Variants in GRIP1 observed in about 807,000 individuals in gnomAD.
GRIP1 encodes glutamate receptor-interacting protein 1.
A neutral mutation model predicts 129.9 loss-of-function variants in GRIP1; 45 were observed. The observed-to-expected ratio is 0.35, with a 90% confidence interval of 0.27 to 0.44. The LOEUF is 0.44. Among genes scored for constraint, GRIP1 ranks in the 20% least tolerant of loss-of-function variants. The pLI, the probability that GRIP1 is intolerant of heterozygous loss-of-function variation, is 1.00. For missense variants in GRIP1, 1,196 were observed against 1,396.8 expected, an observed-to-expected ratio of 0.86 and a Z score of 2.29; for synonymous variants, 530 against 520.8, an observed-to-expected ratio of 1.02 and a Z score of -0.24.
At chr12:66,634,356 T>C (rs557340284) in intron 1 of GRIP1, among the ~76,000 whole-genome samples, 1 of 152,338 alleles carries the variant, frequency 6.6e-6, no homozygotes, top group African/African-American at 2.4e-5. Flanking sequence ...TAGTATTACT[T>C]GGCAATTTTA....
chr12:67,021,802 C>T (rs532394842), intron 1 of GRIP1, among the ~76,000 whole-genome samples: 1 of 152,286 alleles, frequency 6.6e-6, no homozygotes, highest in South Asian at 2.1e-4. Context: ...TCCCTATCCC[C>T]CCATTCCCTT....
At chr12:66,472,443 T>G (rs558731563) in intron 7 of GRIP1, among the ~76,000 whole-genome samples, 1 of 152,328 alleles carries the variant, frequency 6.6e-6, no homozygotes, top group East Asian at 1.9e-4. Context: ...TTTAACATAC[T>G]GTTTGCAACT....
chr12:66,694,294 T>C (rs1020676192), intron 1 of GRIP1, among the ~76,000 whole-genome samples: 20 of 152,180 alleles, frequency 1.3e-4, no homozygotes, highest in South Asian at 4.1e-4. Context: ...AGAGTGGCCA[T>C]TATGAGCTTT....
upstream of GRIP1, chr12:66,679,168 T>C: frequency 7.3e-7 from 1 of 1,377,526 alleles, no homozygotes; most frequent in Non-Finnish European, 9.4e-7. Context: ...AGTAATGCCG[T>C]TTCGATAGCA....
At chr12:66,737,073 ATCTGGGTG>A (rs1257144732) in intron 1 of GRIP1, among the ~76,000 whole-genome samples, 1 of 152,158 alleles carries the variant, frequency 6.6e-6, no homozygotes, top group East Asian at 1.9e-4. Context: ...TCATGTGTGC[ATCTGGGTG>A]GGTTGAATAA....
intron 1 of GRIP1, among the ~76,000 whole-genome samples, chr12:66,655,275 A>G (rs945118856): frequency 6.6e-6 from 1 of 152,232 alleles, no homozygotes; most frequent in Non-Finnish European, 1.5e-5. Context: ...GTGCTTTAAC[A>G]ATTCATATAA....
At chr12:66,646,376 C>T (rs1198253850) in intron 1 of GRIP1, among the ~76,000 whole-genome samples, 1 of 152,090 alleles carries the variant, frequency 6.6e-6, no homozygotes, top group Non-Finnish European at 1.5e-5. Context: ...GTAATCCTAG[C>T]GACTGGAGAG....
intron 1 of GRIP1, among the ~76,000 whole-genome samples, chr12:66,981,237 C>T (rs1995505): frequency 0.41 from 62,075 of 151,992 alleles, 13,678 homozygotes; most frequent in Non-Finnish European, 0.48. Flanking sequence ...ATTCCTCTCT[C>T]GAATTCTCCT....
chr12:66,635,271 T>C (rs2031247822), intron 1 of GRIP1, among the ~76,000 whole-genome samples: 1 of 151,316 alleles, frequency 6.6e-6, no homozygotes, highest in Non-Finnish European at 1.5e-5. Context: ...AAATAAAAAT[T>C]AGCTGGGCGT....
chr12:66,945,953 T>C (rs1413582308), intron 1 of GRIP1, among the ~76,000 whole-genome samples: 1 of 152,274 alleles, frequency 6.6e-6, no homozygotes, highest in Middle Eastern at 3.4e-3. Context: ...AGCTATTTTT[T>C]TCATGAACCT....
At chr12:66,440,398 A>G (rs1248152893) in intron 13 of GRIP1, among the ~76,000 whole-genome samples, 2 of 152,168 alleles carry the variant, frequency 1.3e-5, no homozygotes, top group African/African-American at 4.8e-5. Context: ...AGCAAACACC[A>G]GGTCTTATTC....
At chr12:66,710,768 A>G (rs1565981173) in intron 1 of GRIP1, among the ~76,000 whole-genome samples, 1 of 151,936 alleles carries the variant, frequency 6.6e-6, no homozygotes, top group Non-Finnish European at 1.5e-5. Flanking sequence ...TATTCATGCA[A>G]TTCTTTAAAA....
chr12:66,911,425 T>C (rs996027550), intron 1 of GRIP1, among the ~76,000 whole-genome samples: 3 of 152,198 alleles, frequency 2.0e-5, no homozygotes, highest in Non-Finnish European at 4.4e-5. Flanking sequence ...CCTTTTAAGA[T>C]TGGAGTTCAG....
chr12:67,038,051 T>C (rs997680553), intron 1 of GRIP1, among the ~76,000 whole-genome samples: 2 of 152,230 alleles, frequency 1.3e-5, no homozygotes, highest in Non-Finnish European at 1.5e-5. Context: ...ATCTATATGA[T>C]CTACACTGGC....
chr12:66,713,715 C>T (rs1258775086), intron 1 of GRIP1, among the ~76,000 whole-genome samples: 1 of 152,002 alleles, frequency 6.6e-6, no homozygotes, highest in Non-Finnish European at 1.5e-5. Flanking sequence ...CCTTCTTTCT[C>T]AGACTGTTTA....
chr12:66,795,735 C>A (rs117077185), intron 1 of GRIP1, among the ~76,000 whole-genome samples: 2 of 152,074 alleles, frequency 1.3e-5, no homozygotes, highest in South Asian at 4.1e-4. Flanking sequence ...GATGGTGATG[C>A]TGTGGGCTGT....
chr12:66,925,678 C>G (rs2041284946), intron 1 of GRIP1, among the ~76,000 whole-genome samples: 2 of 152,102 alleles, frequency 1.3e-5, no homozygotes, highest in African/African-American at 2.4e-5. Flanking sequence ...GAGTTTCACT[C>G]TTGTTTCCCA....
At chr12:66,689,224 T>G (rs377183619) in intron 1 of GRIP1, among the ~76,000 whole-genome samples, 1 of 152,296 alleles carries the variant, frequency 6.6e-6, no homozygotes. Context: ...AAAGCTTGTG[T>G]TGACAGTAAT....
intron 1 of GRIP1, among the ~76,000 whole-genome samples, chr12:66,997,530 G>T (rs2042486455): frequency 6.6e-6 from 1 of 151,982 alleles, no homozygotes; most frequent in African/African-American, 2.4e-5. Flanking sequence ...TTACACAACA[G>T]AAAATGGAAT....
Sources: gnomAD v4.1 joint callset for allele counts (sites outside exome capture counted in the v4.1 genomes callset) on GRCh38, gnomAD v4.1.1 for gene constraint, MANE v1.5 for transcripts, NCBI Gene and HGNC (gene_info 2026-07-23, HGNC 2026-07-21) for gene names.